The following ASB3 variants were observed in gnomAD, a reference collection of about 807,000 sequenced individuals.
ASB3 encodes the protein ankyrin repeat and SOCS box containing 3, also known as ankyrin repeat and SOCS box protein 3.
A neutral mutation model predicts 54.5 loss-of-function variants in ASB3; 41 were observed. The observed-to-expected ratio is 0.75, with a 90% CI of 0.59 to 0.98. The LOEUF is 0.98. ASB3 is among the 50% of genes least tolerant of loss of function. The pLI is 0.00. For synonymous variants in ASB3, 266 were observed against 221.2 expected (o/e 1.20, Z -1.80); for missense variants, 733 against 620.0 (o/e 1.18, Z -1.94).
chr2:53,699,502 G>A (rs1669365349), intron 8 of ASB3, among the ~76,000 whole-genome samples: 1 of 152,210 alleles, frequency 6.6e-6, no homozygotes, highest in Non-Finnish European at 1.5e-5. Context: ...GACAATTAGT[G>A]CCTTAGGGAC....
intron 9 of ASB3, among the ~76,000 whole-genome samples, chr2:53,682,668 G>A (rs890090435): frequency 6.6e-6 from 1 of 151,924 alleles, no homozygotes; most frequent in Admixed American, 6.6e-5. Flanking sequence ...GTAGAGATGG[G>A]GTTTCACCAT....
chr2:53,676,027 A>C (rs920798918), intron 9 of ASB3, among the ~76,000 whole-genome samples: 2 of 152,192 alleles, frequency 1.3e-5, no homozygotes, highest in African/African-American at 4.8e-5. Context: ...ATTTATCACC[A>C]AGAAAGAAAA....
Position 53,746,652 on chromosome 2 carries a change from G to A in ASB3, c.355+4131C>T, listed in dbSNP as rs191349378. Among the ~76,000 whole-genome samples the A allele has an allele frequency of 1.8e-3, 270 of 151,906 alleles. 1 individual carries two copies. The highest frequency in any genetic ancestry group is 6.1e-3 in the African/African-American group (252 of 41,446). ...TGCCACCACACCCAGCTAATTTTTT[G>A]TATTTTTAGTAGAAACGAGGTTTCA... is the stretch of plus-strand genomic sequence containing the variant. On this transcript the variant is annotated intron_variant, in intron 3 of 9. Coordinates refer to ENST00000263634, the MANE Select transcript of ASB3 (RefSeq NM_016115.5).
At chr2:53,785,624 C>A (rs1245758331) in intron 1 of ASB3, among the ~76,000 whole-genome samples, 1 of 152,192 alleles carries the variant, frequency 6.6e-6, no homozygotes, top group African/African-American at 2.4e-5. Context: ...GGGCGGATCA[C>A]CCGAGGTCAG....
rs182534411 is a variant in ASB3 at position 53,706,888 on chromosome 2, C to T, written c.981-6360G>A. On this transcript the variant is annotated intron_variant, in intron 7 of 9. Transcript: ENST00000263634. ...CTCACAATCTGGTAAACATATCCAA[C>T]CTCTTTTGCTCAAGTGTTGAGCTAA... 2.6e-5 allele frequency among the ~76,000 whole-genome samples: 4 copies of T among 152,318 alleles called. No individual in the cohort carries two copies. The East Asian group carries it at 5.8e-4, about 22-fold the overall frequency.
intron 9 of ASB3, among the ~76,000 whole-genome samples, chr2:53,672,236 T>G (rs1667858288): frequency 6.6e-6 from 1 of 152,242 alleles, no homozygotes; most frequent in Admixed American, 6.5e-5. Context: ...GGGCATTTTC[T>G]TAAATCATGA....
At chr2:53,728,257 G>A (rs1195337795) in intron 5 of ASB3, among the ~76,000 whole-genome samples, 1 of 152,046 alleles carries the variant, frequency 6.6e-6, no homozygotes, top group Non-Finnish European at 1.5e-5. Context: ...CCTTTAGCAG[G>A]TTATGTTACT....
At chr2:53,745,620 T>C (rs1267056752) in intron 3 of ASB3, among the ~76,000 whole-genome samples, 1 of 152,194 alleles carries the variant, frequency 6.6e-6, no homozygotes, top group Non-Finnish European at 1.5e-5. Flanking sequence ...GAGATTTCCA[T>C]AGTTCCATAT....
chr2:53,739,926 A>T (rs1671839217), intron 3 of ASB3, among the ~76,000 whole-genome samples: 1 of 152,138 alleles, frequency 6.6e-6, no homozygotes, highest in Non-Finnish European at 1.5e-5. Flanking sequence ...CTCCCACTTC[A>T]GCCTCCCAAA....
At chr2:53,675,901 T>TGCAG (rs1668058361) in intron 9 of ASB3, among the ~76,000 whole-genome samples, 1 of 152,236 alleles carries the variant, frequency 6.6e-6, no homozygotes, top group Non-Finnish European at 1.5e-5. Flanking sequence ...TAACCTGCAT[T>TGCAG]GCAGGGCATG....
intron 1 of ASB3, among the ~76,000 whole-genome samples, chr2:53,781,774 C>T (rs564456049): frequency 6.6e-6 from 1 of 152,304 alleles, no homozygotes; most frequent in East Asian, 1.9e-4. Context: ...GGATTACAGG[C>T]GTGAGCCACC....
intron 1 of ASB3, among the ~76,000 whole-genome samples, chr2:53,769,915 T>C (rs17045214): frequency 0.013 from 1,945 of 152,304 alleles, 40 homozygotes; most frequent in African/African-American, 0.044. Flanking sequence ...CTTAATACCA[T>C]ACATCTTAGC....
At chr2:53,770,462 C>CTGT (rs1673819897) in intron 1 of ASB3, among the ~76,000 whole-genome samples, 1 of 128,828 alleles carries the variant, frequency 7.8e-6, no homozygotes, top group Non-Finnish European at 1.6e-5. Context: ...TATCAGTACA[C>CTGT]ATACAGCCTT....
chr2:53,713,942 C>G (rs1288977932), intron 7 of ASB3, among the ~76,000 whole-genome samples: 1 of 152,030 alleles, frequency 6.6e-6, no homozygotes, highest in Non-Finnish European at 1.5e-5. Context: ...TAATGCTATC[C>G]ACCAAATACA....
At chr2:53,751,324 T>C (rs1261193129) in intron 2 of ASB3, among the ~76,000 whole-genome samples, 1 of 152,192 alleles carries the variant, frequency 6.6e-6, no homozygotes, top group Admixed American at 6.5e-5. Context: ...ATTTTTAAAT[T>C]TCTATAAGGG....
At chr2:53,766,226 C>G (rs1208492208) in intron 1 of ASB3, among the ~76,000 whole-genome samples, 2 of 152,114 alleles carry the variant, frequency 1.3e-5, no homozygotes, top group Non-Finnish European at 2.9e-5. Flanking sequence ...GAGATGAGCC[C>G]GGTTTTCCTA....
intron 2 of ASB3, among the ~76,000 whole-genome samples, chr2:53,762,923 T>C (rs1361535711): frequency 6.6e-6 from 1 of 152,232 alleles, no homozygotes; most frequent in Non-Finnish European, 1.5e-5. Flanking sequence ...GGATTCCAAA[T>C]CTAAATTGAA....
At chr2:53,710,053 A>G (rs1389259324) in intron 7 of ASB3, among the ~76,000 whole-genome samples, 1 of 152,168 alleles carries the variant, frequency 6.6e-6, no homozygotes, top group African/African-American at 2.4e-5. Flanking sequence ...GGCTCCTGTC[A>G]AGCTTGCTAA....
intron 1 of ASB3, among the ~76,000 whole-genome samples, chr2:53,770,689 C>G (rs907433906): frequency 6.6e-6 from 1 of 151,998 alleles, no homozygotes; most frequent in African/African-American, 2.4e-5. Flanking sequence ...TCATTTCAAC[C>G]TCAAGTTGAA....
Sources: gnomAD v4.1 joint callset for allele counts (sites outside exome capture counted in the v4.1 genomes callset) on GRCh38, gnomAD v4.1.1 for gene constraint, MANE v1.5 for transcripts, NCBI Gene and HGNC (gene_info 2026-07-23, HGNC 2026-07-21) for gene names.